The following SLC44A5 variants were observed in gnomAD, a reference collection of about 807,000 sequenced individuals.
The protein encoded by SLC44A5 is choline transporter-like protein 5.
Under a neutral mutation model 101.8 loss-of-function variants are expected in SLC44A5, and 57 were observed. That is an observed-to-expected ratio of 0.56 (90% confidence interval 0.45 to 0.70). SLC44A5 has a LOEUF of 0.70. SLC44A5 is among the 30% of genes least tolerant of loss of function. The pLI is 0.00. For missense variants in SLC44A5, 737 were observed against 853.1 expected (o/e 0.86, Z 1.70); for synonymous variants, 281 against 290.9 (o/e 0.97, Z 0.35).
At chr1:75,296,762 T>C (rs923709065) in intron 5 of SLC44A5, among the ~76,000 whole-genome samples, 1 of 152,172 alleles carries the variant, frequency 6.6e-6, no homozygotes, top group Admixed American at 6.5e-5. Context: ...ATGCCTGTAT[T>C]GTAGGTTTTG....
chr1:75,289,007 A>G (rs1195081217), intron 5 of SLC44A5, among the ~76,000 whole-genome samples: 1 of 152,222 alleles, frequency 6.6e-6, no homozygotes, highest in East Asian at 1.9e-4. Flanking sequence ...GATGCCTTAT[A>G]AAGACACACG....
intron 3 of SLC44A5, among the ~76,000 whole-genome samples, chr1:75,374,666 T>C (rs1660453563): frequency 6.6e-6 from 1 of 152,106 alleles, no homozygotes; most frequent in African/African-American, 2.4e-5. Context: ...ATCTACTGGA[T>C]TGCAACCTGA....
intron 5 of SLC44A5, among the ~76,000 whole-genome samples, chr1:75,294,417 A>G (rs1348763801): frequency 6.6e-6 from 1 of 152,218 alleles, no homozygotes; most frequent in Non-Finnish European, 1.5e-5. Context: ...GAATGATAGC[A>G]TGGAGGTCAC....
At chr1:75,438,837 G>A (rs971152555) in intron 2 of SLC44A5, among the ~76,000 whole-genome samples, 5 of 152,008 alleles carry the variant, frequency 3.3e-5, no homozygotes, top group South Asian at 2.1e-4. Context: ...AAAACAAACC[G>A]AAACAAATGA....
At chr1:75,430,936 A>T (rs898989258) in intron 2 of SLC44A5, among the ~76,000 whole-genome samples, 1 of 152,218 alleles carries the variant, frequency 6.6e-6, no homozygotes, top group South Asian at 2.1e-4. Context: ...AATTTCATTT[A>T]AACATCCAGC....
At chr1:75,287,480 G>A (rs1159744621) in intron 5 of SLC44A5, among the ~76,000 whole-genome samples, 5 of 102,036 alleles carry the variant, frequency 4.9e-5, no homozygotes, top group Non-Finnish European at 9.0e-5. Flanking sequence ...TGGATCCATT[G>A]CTGGTGAGTT....
chr1:75,376,223 C>T (rs1179032901), intron 3 of SLC44A5, among the ~76,000 whole-genome samples: 1 of 152,240 alleles, frequency 6.6e-6, no homozygotes, highest in Non-Finnish European at 1.5e-5. Flanking sequence ...GCACAGCAGT[C>T]TGAGATCAAA....
At chr1:75,645,810 T>G in the SLC44A5 span, among the ~76,000 whole-genome samples, 1 of 136,322 alleles carries the variant, frequency 7.3e-6, no homozygotes, top group Non-Finnish European at 1.6e-5. Flanking sequence ...CATTTTTGTA[T>G]AAGGTGTAAG....
chr1:75,258,995 G>C (rs2100680152), intron 6 of SLC44A5, among the ~76,000 whole-genome samples: 1 of 152,176 alleles, frequency 6.6e-6, no homozygotes, highest in South Asian at 2.1e-4. Flanking sequence ...CAACAAAAAG[G>C]ACATCTACTC....
chr1:75,321,681 A>G (rs1181177851), intron 4 of SLC44A5, among the ~76,000 whole-genome samples: 2 of 152,254 alleles, frequency 1.3e-5, no homozygotes, highest in African/African-American at 4.8e-5. Flanking sequence ...CAGATAAAAT[A>G]TTCAACAATC....
At chr1:75,627,511 T>C in the SLC44A5 span, among the ~76,000 whole-genome samples, 1 of 151,970 alleles carries the variant, frequency 6.6e-6, no homozygotes, top group Non-Finnish European at 1.5e-5. Context: ...AGACCTTGTC[T>C]GTACAAAAAA....
rs572482613 is a variant in SLC44A5 at position 75,543,839 on chromosome 1, C to T, written c.-69-2323G>A. Among the ~76,000 whole-genome samples the T allele has an allele frequency of 6.6e-5, 10 of 151,862 alleles. No individual in the cohort carries two copies. In the South Asian group the frequency reaches 2.1e-3, roughly 32 times the overall value. ...CAAATAATACTGCAAGTTCATCTTC[C>T]AGCTCTGCAATCAGTTGTCTCATGG... On this transcript the variant is annotated intron_variant, in intron 1 of 23. Transcript: ENST00000370859.
intron 3 of SLC44A5, among the ~76,000 whole-genome samples, chr1:75,392,536 C>A (rs374448471): frequency 1.3e-5 from 2 of 152,124 alleles, no homozygotes; most frequent in Non-Finnish European, 2.9e-5. Flanking sequence ...GAAAAAGGAA[C>A]TCTTTATGCT....
chr1:75,436,260 T>C (rs538579444), intron 2 of SLC44A5, among the ~76,000 whole-genome samples: 4 of 152,244 alleles, frequency 2.6e-5, no homozygotes, highest in African/African-American at 9.6e-5. Flanking sequence ...TCACGATGAA[T>C]TTAAGTAATA....
At chr1:75,287,638 G>C (rs1480170968) in intron 5 of SLC44A5, among the ~76,000 whole-genome samples, 1 of 152,014 alleles carries the variant, frequency 6.6e-6, no homozygotes, top group Admixed American at 6.6e-5. Flanking sequence ...CTCACAGGGT[G>C]CTTCCTTGAT....
chr1:75,629,503 A>G, the SLC44A5 span, among the ~76,000 whole-genome samples: 1 of 152,230 alleles, frequency 6.6e-6, no homozygotes, highest in South Asian at 2.1e-4. Context: ...AGAAGAGAGT[A>G]GAGTGTGGAT....
At chr1:75,578,306 T>C (rs746770959) in intron 1 of SLC44A5, among the ~76,000 whole-genome samples, 13 of 152,122 alleles carry the variant, frequency 8.5e-5, no homozygotes, top group South Asian at 6.2e-4. Context: ...AGCTCTGTGA[T>C]TAATAACTGA....
At chr1:75,502,555 TA>T (rs67204798) in intron 2 of SLC44A5, among the ~76,000 whole-genome samples, 18,396 of 149,558 alleles carry the variant, frequency 0.12, 1,195 homozygotes, top group Non-Finnish European at 0.14. Context: ...TTTATTTGTT[TA>T]TTTTTTTATT....
At chr1:75,455,982 C>T (rs1666165516) in intron 2 of SLC44A5, among the ~76,000 whole-genome samples, 1 of 152,022 alleles carries the variant, frequency 6.6e-6, no homozygotes, top group African/African-American at 2.4e-5. Flanking sequence ...CAGAACTATC[C>T]TTTGATCCAG....
Sources: allele counts gnomAD v4.1 joint callset (sites outside exome capture counted in the v4.1 genomes callset), GRCh38; gene constraint gnomAD v4.1.1; transcripts MANE v1.5; gene names NCBI Gene and HGNC (gene_info 2026-07-23, HGNC 2026-07-21).